The following LIMCH1 variants were observed in gnomAD, a reference collection of about 807,000 sequenced individuals.
The protein encoded by LIMCH1 is LIM and calponin homology domains 1, also known as LIM and calponin homology domains-containing protein 1.
In LIMCH1, 113 loss-of-function variants were observed where a neutral mutation model predicts 176.5. That is an observed-to-expected ratio of 0.64 (90% confidence interval 0.55 to 0.75). The LOEUF is 0.75. Ranked by LOEUF, LIMCH1 falls within the 30% of genes least tolerant of loss-of-function variation. The pLI is 0.00. For synonymous variants in LIMCH1, 619 were observed against 645.9 expected, an observed-to-expected ratio of 0.96 and a Z score of 0.63; for missense variants, 1,674 against 1,814.9, an observed-to-expected ratio of 0.92 and a Z score of 1.41.
chr4:41,459,798 G>T (rs575005851), intron 1 of LIMCH1, among the ~76,000 whole-genome samples: 9 of 152,308 alleles, frequency 5.9e-5, no homozygotes, highest in Admixed American at 2.6e-4. Context: ...GGGCTGCTAA[G>T]TGGGAGCTAG....
intron 1 of LIMCH1, among the ~76,000 whole-genome samples, chr4:41,428,369 C>G (rs2061307353): frequency 6.6e-6 from 1 of 152,132 alleles, no homozygotes; most frequent in African/African-American, 2.4e-5. Context: ...CTCTAAAGCA[C>G]TACATAATAA....
At chr4:41,608,641 A>T (rs530292050) in intron 4 of LIMCH1, among the ~76,000 whole-genome samples, 1 of 152,286 alleles carries the variant, frequency 6.6e-6, no homozygotes, top group South Asian at 2.1e-4. Context: ...TCTGGCATGT[A>T]GTAGGTATTC....
At chr4:41,419,602 C>CCTTT (rs1430975004) in intron 1 of LIMCH1, among the ~76,000 whole-genome samples, 5 of 70,586 alleles carry the variant, frequency 7.1e-5, no homozygotes, top group African/African-American at 5.9e-4. Context: ...TTCCTTCCTT[C>CCTTT]CGTCCTTCCT....
At chr4:41,401,225 G>T (rs943370801) in intron 1 of LIMCH1, among the ~76,000 whole-genome samples, 26 of 152,150 alleles carry the variant, frequency 1.7e-4, no homozygotes, top group Non-Finnish European at 4.4e-5. Context: ...GTAAGGAAGG[G>T]ATCCAGTTTC....
At position 41,480,889 on chromosome 4, in the gene LIMCH1, AAC is replaced by A. The variant is rs1216188956; in HGVS notation, c.97-13643_97-13642del. Among the ~76,000 whole-genome samples, 3 of 152,166 alleles carry A rather than the reference AAC, an allele frequency of 2.0e-5. No homozygotes were observed. The East Asian group carries it at 5.8e-4, about 29-fold the overall frequency. ...GGCAAGGGCAGCTTAAGGATGTGCA[AAC>A]ACAGTTTTGCTAAAGCCACTCGCAT... On this transcript the variant is annotated intron_variant, in intron 1 of 26. Coordinates refer to the LIMCH1 transcript ENST00000313860.
In LIMCH1 at chr4:41,641,726, C is replaced by G. The variant is rs555760370; in HGVS notation, c.2126+2759C>G. 7.9e-5 allele frequency among the ~76,000 whole-genome samples: 12 copies of G among 152,250 alleles called. No homozygotes were observed. In the East Asian group the frequency reaches 2.1e-3, roughly 27 times the overall value. ...CATGAAACAAAGTTTTGGCTGCACCCCATCACACAAGGTCAGGTGTGGAAT... is the reference window on the plus strand; with the variant it reads ...CATGAAACAAAGTTTTGGCTGCACCGCATCACACAAGGTCAGGTGTGGAAT... On this transcript the variant is annotated intron_variant, in intron 14 of 31. Coordinates refer to ENST00000503057, the MANE Select transcript of LIMCH1 (RefSeq NM_001330672.2).
chr4:41,390,239 G>GGAGAGAGAGAGA (rs34011822), intron 1 of LIMCH1, among the ~76,000 whole-genome samples: 30 of 138,420 alleles, frequency 2.2e-4, no homozygotes, highest in African/African-American at 4.8e-4. Flanking sequence ...TCTCTCTCAG[G>GGAGAGAGAGAGA]GAGAGAGAGA....
intron 14 of LIMCH1, 60 bp from the exon 15 acceptor site, chr4:41,644,440 C>A: frequency 7.0e-7 from 1 of 1,421,480 alleles, no homozygotes; most frequent in Non-Finnish European, 9.2e-7. Context: ...CGCCCAGGCG[C>A]GCGGAGACGC....
intron 10 of LIMCH1, among the ~76,000 whole-genome samples, chr4:41,631,799 AATG>A (rs1190020172): frequency 1.3e-5 from 2 of 152,184 alleles, no homozygotes; most frequent in African/African-American, 4.8e-5. Context: ...GGAATGTTTT[AATG>A]ATATCAGTAG....
At chr4:41,455,453 C>T (rs1036711505) in intron 1 of LIMCH1, among the ~76,000 whole-genome samples, 5 of 152,112 alleles carry the variant, frequency 3.3e-5, no homozygotes, top group South Asian at 2.1e-4. Flanking sequence ...TTGAAGAGGA[C>T]GCTGCTTTCA....
At chr4:41,504,189 A>C (rs1242242494) in intron 2 of LIMCH1, among the ~76,000 whole-genome samples, 1 of 152,070 alleles carries the variant, frequency 6.6e-6, no homozygotes, top group Non-Finnish European at 1.5e-5. Context: ...GCTCTGTCCA[A>C]CCTCAGGGTC....
At chr4:41,604,132 T>G in intron 3 of LIMCH1, 2 of 885,120 alleles carry the variant, frequency 2.3e-6, no homozygotes, top group East Asian at 2.4e-4. Context: ...AATCCAGAAA[T>G]AAACAAGTGA....
At chr4:41,423,447 G>GT (rs1424253167) in intron 1 of LIMCH1, among the ~76,000 whole-genome samples, 3 of 139,348 alleles carry the variant, frequency 2.2e-5, no homozygotes, top group Non-Finnish European at 4.5e-5. Flanking sequence ...TTGTCTTGGG[G>GT]TTAAAAAAAA....
intron 27 of LIMCH1, 65 bp from the exon 28 acceptor site, chr4:41,685,645 G>C: frequency 6.3e-7 from 1 of 1,594,038 alleles, no homozygotes; most frequent in Non-Finnish European, 8.6e-7. Context: ...TTAAAGAAAG[G>C]TGACTTCCTA....
chr4:41,440,332 T>G (rs1289545831), intron 1 of LIMCH1, among the ~76,000 whole-genome samples: 4 of 152,150 alleles, frequency 2.6e-5, no homozygotes, highest in African/African-American at 7.2e-5. Flanking sequence ...ACAGAAATAT[T>G]TTTGACTTCA....
chr4:41,496,005 TTCAGTGGATGCAAGC>T (rs560943887), intron 2 of LIMCH1, among the ~76,000 whole-genome samples: 107 of 152,344 alleles, frequency 7.0e-4, no homozygotes, highest in African/African-American at 2.4e-3. Context: ...CTGCAGTTAC[TTCAGTGGATGCAAGC>T]TCAGTGGATG....
chr4:41,605,749 G>T, intron 3 of LIMCH1, 145 bp from the exon 4 acceptor site: 51 of 393,524 alleles, frequency 1.3e-4, no homozygotes, highest in Middle Eastern at 8.9e-4. Context: ...TACATTTAAT[G>T]GATACCTCAT....
At chr4:41,477,580 A>C (rs2067943266) in intron 1 of LIMCH1, among the ~76,000 whole-genome samples, 1 of 152,258 alleles carries the variant, frequency 6.6e-6, no homozygotes, top group African/African-American at 2.4e-5. Context: ...TTTCGTGCAG[A>C]GTAATCTTAG....
At chr4:41,436,924 T>G (rs1354401469) in intron 1 of LIMCH1, among the ~76,000 whole-genome samples, 1 of 152,182 alleles carries the variant, frequency 6.6e-6, no homozygotes, top group Non-Finnish European at 1.5e-5. Context: ...GAAAGCCATC[T>G]CCAATGTCTC....
Sources: gnomAD v4.1 joint callset for allele counts (sites outside exome capture counted in the v4.1 genomes callset) on GRCh38, gnomAD v4.1.1 for gene constraint, MANE v1.5 for transcripts, NCBI Gene and HGNC (gene_info 2026-07-23, HGNC 2026-07-21) for gene names.